Variants in TTC28 observed in about 807,000 individuals in gnomAD.
The protein encoded by TTC28 is tetratricopeptide repeat domain 28.
Under a neutral mutation model 198.0 loss-of-function variants are expected in TTC28, and 61 were observed. The observed-to-expected ratio is 0.31, with a 90% CI of 0.25 to 0.38. The LOEUF (loss-of-function observed/expected upper bound fraction) is 0.38, where lower values mean the gene tolerates loss of function less well. Ranked by LOEUF, TTC28 falls within the 10% of genes least tolerant of loss-of-function variation. The pLI, the probability that TTC28 is intolerant of heterozygous loss-of-function variation, is 1.00. For synonymous variants in TTC28, 1,171 were observed against 1,297.8 expected, an observed-to-expected ratio of 0.90 and a Z score of 2.10; for missense variants, 2,678 against 3,164.0, an observed-to-expected ratio of 0.85 and a Z score of 3.69.
chr22:28,028,190 T>C (rs1385899330), intron 13 of TTC28, among the ~76,000 whole-genome samples: 1 of 152,200 alleles, frequency 6.6e-6, no homozygotes, highest in Admixed American at 6.5e-5. Context: ...TTTCTGAGGG[T>C]GGGACTGGAT....
chr22:28,071,816 T>G (rs1940990031), intron 12 of TTC28, among the ~76,000 whole-genome samples: 4 of 152,018 alleles, frequency 2.6e-5, no homozygotes, highest in Admixed American at 2.6e-4. Flanking sequence ...CCAGCATATT[T>G]TTGGAAGTGA....
chr22:28,669,130 T>G (rs2051835221), intron 1 of TTC28, among the ~76,000 whole-genome samples: 1 of 120,992 alleles, frequency 8.3e-6, no homozygotes, highest in Admixed American at 8.8e-5. Flanking sequence ...GGAAGGGGAA[T>G]ATCACACTCT....
intron 2 of TTC28, among the ~76,000 whole-genome samples, chr22:28,418,174 A>G (rs1018601370): frequency 6.6e-6 from 1 of 152,178 alleles, no homozygotes; most frequent in African/African-American, 2.4e-5. Context: ...TATGTAACCA[A>G]GGAGGAAAGT....
At chr22:28,375,263 C>T (rs910632271) in intron 2 of TTC28, among the ~76,000 whole-genome samples, 5 of 152,140 alleles carry the variant, frequency 3.3e-5, no homozygotes, top group Non-Finnish European at 5.9e-5. Flanking sequence ...GCCTGAACTA[C>T]GTGACAGGCA....
rs1442936348 is a variant in TTC28, at chr22:27,993,497, T to A, written c.5266A>T (p.Ile1756Phe). 6.5e-7 allele frequency: 1 copy of A among 1,547,128 alleles called. No individual in the cohort carries two copies. Residue 1756 changes from isoleucine (I) to phenylalanine (F), a missense_variant, in exon 18 of 23, where the codon ATC becomes TTC. Coordinates refer to ENST00000397906, the MANE Select transcript of TTC28 (RefSeq NM_001145418.2). ...LHLVEKSLQRIQNGQRNAMYT... is the reference protein window; with the variant it reads ...LHLVEKSLQRFQNGQRNAMYT... The stretch of plus-strand genomic sequence containing the variant: ...ATGGCATTGCGCTGCCCATTCTGGA[T>A]GCGCTGCAGGGATTTCTCCACCTGA...
intron 5 of TTC28, among the ~76,000 whole-genome samples, chr22:28,237,364 T>C (rs1231381486): frequency 6.6e-6 from 1 of 152,238 alleles, no homozygotes; most frequent in African/African-American, 2.4e-5. Context: ...AGACAGCAGT[T>C]ACTCAAATCA....
At chr22:28,347,037 C>A (rs1215708848) in intron 2 of TTC28, among the ~76,000 whole-genome samples, 4 of 151,980 alleles carry the variant, frequency 2.6e-5, no homozygotes, top group African/African-American at 7.3e-5. Flanking sequence ...CCAAGAAGGG[C>A]AGATCACTTG....
At chr22:28,630,743 T>C (rs969347573) in intron 1 of TTC28, among the ~76,000 whole-genome samples, 1 of 152,194 alleles carries the variant, frequency 6.6e-6, no homozygotes. Flanking sequence ...TAATCTTCTC[T>C]CAAAGCAGCC....
chr22:28,594,469 C>T lies in TTC28; in HGVS notation c.381+35083G>A, dbSNP rs111952651. The stretch of plus-strand genomic sequence containing the variant: ...ATTGAGAATCACTGAAGCAGCAAGC[C>T]ACTGTTAGGATTTTAAGTTTACTTT... On this transcript the variant is annotated intron_variant, in intron 2 of 22. Transcript: ENST00000397906. Among the ~76,000 whole-genome samples, 39 of 149,944 alleles carry T rather than the reference C, an allele frequency of 2.6e-4. 1 individual carries two copies. Among genetic ancestry groups the T allele is most frequent in the Admixed American group, 1.2e-3 (18 of 15,190 alleles).
intron 2 of TTC28, among the ~76,000 whole-genome samples, chr22:28,511,315 G>C (rs1568988570): frequency 6.6e-6 from 1 of 152,096 alleles, no homozygotes; most frequent in Non-Finnish European, 1.5e-5. Context: ...CAGACACATA[G>C]ACCAATGGAA....
chr22:28,626,174 T>C (rs2096951494), intron 2 of TTC28, among the ~76,000 whole-genome samples: 1 of 152,098 alleles, frequency 6.6e-6, no homozygotes, highest in African/African-American at 2.4e-5. Flanking sequence ...AAAAAACATC[T>C]AGCATGCAGC....
At chr22:28,351,086 G>A (rs1387608302) in intron 2 of TTC28, among the ~76,000 whole-genome samples, 1 of 152,140 alleles carries the variant, frequency 6.6e-6, no homozygotes, top group African/African-American at 2.4e-5. Context: ...GGGAGACTGA[G>A]GCAGGAGGAT....
intron 6 of TTC28, among the ~76,000 whole-genome samples, chr22:28,127,131 T>C (rs1475028421): frequency 6.6e-6 from 1 of 152,210 alleles, no homozygotes; most frequent in Non-Finnish European, 1.5e-5. Flanking sequence ...CAGGCCCTGT[T>C]AAAAATATTT....
At chr22:28,344,367 A>C (rs576820873) in intron 2 of TTC28, among the ~76,000 whole-genome samples, 1 of 152,144 alleles carries the variant, frequency 6.6e-6, no homozygotes, top group South Asian at 2.1e-4. Context: ...ATCTGATATT[A>C]AGATCTTTTT....
chr22:28,556,720 T>C (rs1194138314), intron 2 of TTC28, among the ~76,000 whole-genome samples: 1 of 152,202 alleles, frequency 6.6e-6, no homozygotes, highest in African/African-American at 2.4e-5. Context: ...TGGCTGAAGG[T>C]ATTTTATGAG....
At chr22:28,263,164 C>A (rs1215596233) in intron 5 of TTC28, among the ~76,000 whole-genome samples, 2 of 152,042 alleles carry the variant, frequency 1.3e-5, no homozygotes. Flanking sequence ...TTTTTGCCAT[C>A]AAAAGATCAA....
At chr22:28,185,083 G>T (rs2147113181) in intron 5 of TTC28, among the ~76,000 whole-genome samples, 1 of 152,294 alleles carries the variant, frequency 6.6e-6, no homozygotes, top group South Asian at 2.1e-4. Flanking sequence ...TCCGTCCAAA[G>T]TAAGAATGTC....
At chr22:28,656,236 T>G (rs775772522) in intron 1 of TTC28, among the ~76,000 whole-genome samples, 28 of 152,258 alleles carry the variant, frequency 1.8e-4, no homozygotes, top group South Asian at 6.2e-4. Context: ...AGCCTGGGAC[T>G]CTAGTGGACT....
chr22:28,407,926 C>A (rs1195960800), intron 2 of TTC28, among the ~76,000 whole-genome samples: 2 of 152,162 alleles, frequency 1.3e-5, no homozygotes, highest in African/African-American at 4.8e-5. Context: ...CTTTCTAAGG[C>A]CACAGGATAT....
Sources: allele counts gnomAD v4.1 joint callset (sites outside exome capture counted in the v4.1 genomes callset), GRCh38; gene constraint gnomAD v4.1.1; transcripts MANE v1.5; gene names NCBI Gene and HGNC (gene_info 2026-07-23, HGNC 2026-07-21).